Variants in FBXL2 observed in about 807,000 individuals in gnomAD.
The protein encoded by FBXL2 is F-box and leucine rich repeat protein 2.
Under a neutral mutation model 69.2 loss-of-function variants are expected in FBXL2, and 38 were observed. The observed-to-expected ratio is 0.55, with a 90% CI of 0.42 to 0.72. The LOEUF (loss-of-function observed/expected upper bound fraction) is 0.72, where lower values mean the gene tolerates loss of function less well. Ranked by LOEUF, FBXL2 falls within the 30% of genes least tolerant of loss-of-function variation. The pLI, the probability that FBXL2 is intolerant of heterozygous loss-of-function variation, is 0.00. For missense variants in FBXL2, 354 were observed against 520.3 expected, an observed-to-expected ratio of 0.68 and a Z score of 3.11; for synonymous variants, 192 against 201.3, an observed-to-expected ratio of 0.95 and a Z score of 0.39.
chr3:33,283,575 G>A (rs538271452), intron 1 of FBXL2, among the ~76,000 whole-genome samples: 2 of 152,178 alleles, frequency 1.3e-5, no homozygotes, highest in Non-Finnish European at 2.9e-5. Flanking sequence ...AATGAGTTAG[G>A]GAGGATACCC....
intron 2 of FBXL2, among the ~76,000 whole-genome samples, chr3:33,349,931 C>T (rs747272500): frequency 2.0e-5 from 3 of 151,988 alleles, no homozygotes; most frequent in East Asian, 1.9e-4. Context: ...GCACCAGACC[C>T]GGATGGTGGT....
rs1299120156 is a variant in FBXL2 at position 33,384,054 on chromosome 3, C to T, written c.1017C>T (p.Gly339=). ...GILHLSNSTC[G]HERLRVLELD... ...TGCACCTGAGCAACAGTACCTGTGG[C>T]CATGAGAGGCTGCGGGTACTGGAGT... Residue 339 remains glycine, a synonymous_variant, in exon 14 of 15, where the codon GGC becomes GGT. Transcript: ENST00000484457. 1 of 1,614,166 alleles carries T rather than the reference C, an allele frequency of 6.2e-7. No individual in the cohort carries two copies. The highest frequency in any genetic ancestry group is 8.5e-7 in the Non-Finnish European group (1 of 1,180,018).
At chr3:33,294,189 T>C (rs1356090142) in intron 1 of FBXL2, among the ~76,000 whole-genome samples, 1 of 152,124 alleles carries the variant, frequency 6.6e-6, no homozygotes, top group Non-Finnish European at 1.5e-5. Context: ...CTCAATCTCC[T>C]GGGCTCAAGC....
the FBXL2 span, chr3:33,412,630 CA>C: frequency 5.6e-4 from 478 of 857,732 alleles, 3 homozygotes; most frequent in Non-Finnish European, 8.8e-5. Context: ...AAACTTTCCC[CA>C]CACAAGTAAT....
chr3:33,370,404 C>A (rs567010217), intron 5 of FBXL2, among the ~76,000 whole-genome samples: 1 of 141,766 alleles, frequency 7.1e-6, no homozygotes, highest in African/African-American at 2.6e-5. Flanking sequence ...GGTGACAGAG[C>A]GAGACTCCGT....
chr3:33,386,972 A>G lies in FBXL2; in HGVS notation c.*1364A>G, dbSNP rs2043482113. 6.6e-6 allele frequency: 1 copy of G among 152,196 alleles called. No homozygotes were observed. Among genetic ancestry groups the G allele is most frequent in the South Asian group, 2.1e-4 (1 of 4,830 alleles). 9.4% of individuals were successfully genotyped at this position (152,196 alleles called of 1,614,324 possible). A position where few individuals can be genotyped will look rare whatever the true frequency, so the allele number is the denominator to read the frequency against. ...ATGACTACCAATACCTTTATTAGGC[A>G]GTTTTAGAAGTGTTTTTAAGGATAT... is the stretch of plus-strand genomic sequence containing the variant. On this transcript the variant is annotated 3_prime_UTR_variant, in exon 15 of 15. Coordinates refer to ENST00000484457, the MANE Select transcript of FBXL2 (RefSeq NM_012157.5).
chr3:33,314,704 T>A (rs1242130315), intron 2 of FBXL2, among the ~76,000 whole-genome samples: 2 of 152,240 alleles, frequency 1.3e-5, no homozygotes, highest in African/African-American at 4.8e-5. Context: ...CCCTTGTTAA[T>A]ACATTTTATA....
chr3:33,289,145 T>A (rs1385530823), intron 1 of FBXL2, among the ~76,000 whole-genome samples: 2 of 152,164 alleles, frequency 1.3e-5, no homozygotes, highest in Non-Finnish European at 2.9e-5. Flanking sequence ...CGTTTCCTTT[T>A]ACAAGCTAGT....
chr3:33,327,430 C>T (rs963941645), intron 2 of FBXL2, among the ~76,000 whole-genome samples: 5 of 152,002 alleles, frequency 3.3e-5, no homozygotes, highest in African/African-American at 9.7e-5. Context: ...TATAATCCAC[C>T]CCCAAAAATC....
chr3:33,391,588 C>G (rs2043766597), downstream of FBXL2: 2 of 152,182 alleles, frequency 1.3e-5, no homozygotes, highest in South Asian at 4.1e-4. Context: ...TTGATTTACC[C>G]CAACCATACT....
At chr3:33,356,443 G>C (rs937127865) in intron 2 of FBXL2, among the ~76,000 whole-genome samples, 11 of 152,038 alleles carry the variant, frequency 7.2e-5, no homozygotes, top group African/African-American at 2.7e-4. Context: ...TCTGCCTCCT[G>C]GGTTCAAGCG....
At chr3:33,394,140 CT>C (rs1338773738) in intron 12 of FBXL2, among the ~76,000 whole-genome samples, 1 of 151,476 alleles carries the variant, frequency 6.6e-6, no homozygotes, top group Admixed American at 6.6e-5. Context: ...CCTCAGCCTC[CT>C]AAGTAGCTGG....
the FBXL2 span, chr3:33,416,812 C>T: frequency 6.2e-7 from 1 of 1,613,630 alleles, no homozygotes. Context: ...GATTATCCAG[C>T]ATCCGAATTT....
chr3:33,407,616 A>G (rs191397951), downstream of FBXL2, among the ~76,000 whole-genome samples: 101 of 152,248 alleles, frequency 6.6e-4, no homozygotes, highest in African/African-American at 2.3e-3. Flanking sequence ...GGATGAGTAC[A>G]ATTTCAGTTT....
intron 2 of FBXL2, among the ~76,000 whole-genome samples, chr3:33,354,447 A>C (rs1465077939): frequency 6.6e-6 from 1 of 151,820 alleles, no homozygotes; most frequent in Non-Finnish European, 1.5e-5. Context: ...CTGGAGGCAG[A>C]GGTTGCAGTG....
At chr3:33,378,874 T>C in intron 13 of FBXL2, 133 bp downstream of exon 13, 2 of 1,513,740 alleles carry the variant, frequency 1.3e-6, no homozygotes, top group Non-Finnish European at 1.8e-6. Context: ...TTAATTGGGC[T>C]AACTTGGGAG....
At chr3:33,368,741 C>T (rs2042107995) in intron 5 of FBXL2, among the ~76,000 whole-genome samples, 1 of 152,072 alleles carries the variant, frequency 6.6e-6, no homozygotes, top group Non-Finnish European at 1.5e-5. Flanking sequence ...CGTGTGCCAC[C>T]ACGCCCAGCT....
intron 12 of FBXL2, chr3:33,398,416 C>T (rs764800341): frequency 6.6e-5 from 10 of 152,234 alleles, no homozygotes; most frequent in Non-Finnish European, 1.0e-4. Context: ...CTAGGGCTTA[C>T]TACATGCACC....
intron 4 of FBXL2, among the ~76,000 whole-genome samples, chr3:33,362,516 G>C (rs971536555): frequency 6.6e-6 from 1 of 152,308 alleles, no homozygotes; most frequent in Middle Eastern, 3.4e-3. Flanking sequence ...CAGTGGAACA[G>C]AAAATTGTGT....
Sources: gnomAD v4.1 joint callset for allele counts (sites outside exome capture counted in the v4.1 genomes callset) on GRCh38, gnomAD v4.1.1 for gene constraint, MANE v1.5 for transcripts, NCBI Gene and HGNC (gene_info 2026-07-23, HGNC 2026-07-21) for gene names.